The following MYLK4 variants were observed in gnomAD, a reference collection of about 807,000 sequenced individuals.
The protein encoded by MYLK4 is myosin light chain kinase family member 4.
Under a neutral mutation model 48.1 loss-of-function variants are expected in MYLK4, and 46 were observed. The ratio of observed to expected loss-of-function variants is 0.96; its 90% CI spans 0.75 to 1.22. The LOEUF (loss-of-function observed/expected upper bound fraction) is 1.22, where lower values mean the gene tolerates loss of function less well. Among genes scored for constraint, MYLK4 ranks in the 50% most tolerant of loss-of-function variants. The pLI is 0.00. For synonymous variants in MYLK4, 170 were observed against 180.8 expected, an observed-to-expected ratio of 0.94 and a Z score of 0.48; for missense variants, 451 against 486.1, an observed-to-expected ratio of 0.93 and a Z score of 0.68.
chr6:2,723,228 G>C (rs1425811141), intron 2 of MYLK4, among the ~76,000 whole-genome samples: 1 of 152,230 alleles, frequency 6.6e-6, no homozygotes, highest in Non-Finnish European at 1.5e-5. Context: ...GGGAAGTCAA[G>C]GCTGCAGTGA....
At chr6:2,738,118 C>A (rs1299830767) in intron 2 of MYLK4, among the ~76,000 whole-genome samples, 1 of 151,958 alleles carries the variant, frequency 6.6e-6, no homozygotes, top group Non-Finnish European at 1.5e-5. Context: ...AACTAGATTG[C>A]ACAGTAAGAA....
intron 2 of MYLK4, among the ~76,000 whole-genome samples, chr6:2,721,538 T>C (rs1763069185): frequency 6.6e-6 from 1 of 152,150 alleles, no homozygotes; most frequent in Admixed American, 6.5e-5. Context: ...TTTCTTTCCC[T>C]TTTCTTTTTG....
Position 2,685,976 on chromosome 6 carries a change from G to C in MYLK4, c.342-400C>G, listed in dbSNP as rs1433212971. Among the ~76,000 whole-genome samples, 1 of 151,644 alleles carries C rather than the reference G, an allele frequency of 6.6e-6. No homozygotes were observed. The highest frequency in any genetic ancestry group is 1.5e-5 in the Non-Finnish European group (1 of 67,978). On this transcript the variant is annotated intron_variant, in intron 4 of 12. Coordinates refer to ENST00000274643, the MANE Select transcript of MYLK4 (RefSeq NM_001012418.5). The surrounding 1 kb of genome is among the most constrained non-coding windows in gnomAD (Gnocchi z 4.5). ...CCAGCTACTCGGGAGGCTGAGGCAG[G>C]AGAACGGCGTGAACCCAGGAGGCGG...
chr6:2,728,372 T>C (rs928933150), intron 2 of MYLK4, among the ~76,000 whole-genome samples: 1 of 152,200 alleles, frequency 6.6e-6, no homozygotes, highest in African/African-American at 2.4e-5. Flanking sequence ...CTTTTGTGTC[T>C]TTTATTTAAC....
upstream of MYLK4, among the ~76,000 whole-genome samples, chr6:2,754,343 A>C (rs1177064580): frequency 6.6e-6 from 1 of 152,208 alleles, no homozygotes; most frequent in African/African-American, 2.4e-5. Flanking sequence ...AATACTACGT[A>C]ATTAAAAGGA....
At chr6:2,755,942 G>T in the MYLK4 span, among the ~76,000 whole-genome samples, 3 of 152,166 alleles carry the variant, frequency 2.0e-5, no homozygotes, top group Admixed American at 6.5e-5. Flanking sequence ...ATGTCGGTTT[G>T]TGCCATTATT....
At chr6:2,748,587 T>C (rs1187148024) in intron 2 of MYLK4, among the ~76,000 whole-genome samples, 2 of 152,374 alleles carry the variant, frequency 1.3e-5, no homozygotes, top group East Asian at 3.9e-4. Context: ...CTAATTCAGA[T>C]GTGGCAAGCC....
At position 2,678,353 on chromosome 6, in the gene MYLK4, A is replaced by C; in HGVS notation, c.907T>G (p.Phe303Val). 6.2e-7 allele frequency: 1 copy of C among 1,613,976 alleles called. No homozygotes were observed. Among genetic ancestry groups the C allele is most frequent in the South Asian group, 1.1e-5 (1 of 91,058 alleles). Residue 303 changes from phenylalanine to valine, a missense_variant, in exon 10 of 13, where the codon TTC (phenylalanine) becomes GTC (valine). Phe to Val is a conservative substitution (Grantham distance 50). Transcript: ENST00000274643. ...AYMLLSGLSPFLGDNDAETLN... is the reference protein window; with the variant it reads ...AYMLLSGLSPVLGDNDAETLN... ...GTCTCAGCATCATTGTCACCCAGGAAAGGCGACAAACCGCTAAGTCTGGAG... is the reference window on the plus strand; with the variant it reads ...GTCTCAGCATCATTGTCACCCAGGACAGGCGACAAACCGCTAAGTCTGGAG...
At chr6:2,679,150 G>A in intron 9 of MYLK4, 130 bp downstream of exon 9, 1 of 1,083,032 alleles carries the variant, frequency 9.2e-7, no homozygotes, top group Non-Finnish European at 1.4e-6. Context: ...AAACCTAGAA[G>A]GCAACTGAGG....
rs549787817 is a variant in MYLK4 at position 2,744,946 on chromosome 6, A to AT, written c.159+4189dup. On this transcript the variant is annotated intron_variant, in intron 2 of 12. Transcript: ENST00000274643. ...GTGGAACGGTGGGCTATGCTGACAT[A>AT]TTTTTGTAGAGTGAGCATTCACAAC... 3.5e-3 allele frequency among the ~76,000 whole-genome samples: 534 copies of AT among 152,272 alleles called. 5 individuals carry two copies. Among genetic ancestry groups the AT allele is most frequent in the African/African-American group, 0.012 (513 of 41,554 alleles).
chr6:2,683,157 T>A lies in MYLK4; in HGVS notation c.551A>T (p.Asp184Val), dbSNP rs560347293. ...GATGCGGTCAAACAGCTCCCCACCATCCACACTGCAGAGGGAAGAGGACTG... is the reference window on the plus strand; with the variant it reads ...GATGCGGTCAAACAGCTCCCCACCAACCACACTGCAGAGGGAAGAGGACTG... ...NDIVLVMEYV[D>V]GGELFDRIID... Residue 184 changes from aspartate to valine, a missense_variant, in exon 7 of 13, where the codon GAT becomes GTT. By Grantham distance (152) the Asp-to-Val change is radical (BLOSUM62 -3). Transcript: ENST00000274643. 1 of 1,614,100 alleles carries A rather than the reference T, an allele frequency of 6.2e-7. No individual in the cohort carries two copies.
intron 2 of MYLK4, among the ~76,000 whole-genome samples, chr6:2,694,134 A>G (rs759287283): frequency 2.0e-5 from 3 of 152,174 alleles, no homozygotes; most frequent in Non-Finnish European, 4.4e-5. Context: ...TGGTGAACTT[A>G]AAACATAAAG....
At chr6:2,721,381 G>C (rs796693617) in intron 2 of MYLK4, among the ~76,000 whole-genome samples, 2 of 152,144 alleles carry the variant, frequency 1.3e-5, no homozygotes, top group African/African-American at 4.8e-5. Flanking sequence ...CAGTGACTGG[G>C]GGACCAAGAT....
chr6:2,729,128 CCA>C (rs1763387186), intron 2 of MYLK4, among the ~76,000 whole-genome samples: 1 of 152,226 alleles, frequency 6.6e-6, no homozygotes, highest in Admixed American at 6.5e-5. Context: ...TCCTGCAAAG[CCA>C]CAGTTATGAC....
chr6:2,729,817 C>T (rs1434073255), intron 2 of MYLK4, among the ~76,000 whole-genome samples: 2 of 152,118 alleles, frequency 1.3e-5, no homozygotes, highest in Non-Finnish European at 2.9e-5. Context: ...AAGGCAGTGG[C>T]TTCTGTGATC....
chr6:2,727,723 C>A (rs1210219811), intron 2 of MYLK4, among the ~76,000 whole-genome samples: 1 of 151,956 alleles, frequency 6.6e-6, no homozygotes, highest in South Asian at 2.1e-4. Flanking sequence ...CCGAGGTGGG[C>A]GGATCACGAG....
At chr6:2,768,374 A>T in the MYLK4 span, among the ~76,000 whole-genome samples, 12 of 152,182 alleles carry the variant, frequency 7.9e-5, no homozygotes, top group Admixed American at 2.6e-4. Context: ...CTGCTAAATC[A>T]AGACAGCCGT....
At chr6:2,765,169 C>T in the MYLK4 span, among the ~76,000 whole-genome samples, 2 of 148,442 alleles carry the variant, frequency 1.3e-5, no homozygotes, top group African/African-American at 2.5e-5. Flanking sequence ...ACGCGCACCA[C>T]GCTCGCCTCG....
intron 2 of MYLK4, among the ~76,000 whole-genome samples, chr6:2,698,841 T>A (rs907417939): frequency 6.6e-6 from 1 of 152,228 alleles, no homozygotes; most frequent in Non-Finnish European, 1.5e-5. Context: ...CCTGAAGTCC[T>A]GGGTGATAAA....
Sources: gnomAD v4.1 joint callset for allele counts (sites outside exome capture counted in the v4.1 genomes callset) on GRCh38, gnomAD v4.1.1 for gene constraint, Gnocchi (gnomAD v3.1) non-coding constraint, MANE v1.5 for transcripts, NCBI Gene and HGNC (gene_info 2026-07-23, HGNC 2026-07-21) for gene names.